CNTN1: variants seen among roughly 807,000 people sequenced by gnomAD.
The protein encoded by CNTN1 is contactin-1.
In CNTN1, 38 loss-of-function variants were observed where a neutral mutation model predicts 126.4. The ratio of observed to expected loss-of-function variants is 0.30; its 90% CI spans 0.23 to 0.39. The LOEUF is 0.39. CNTN1 is among the 10% of genes least tolerant of loss of function. The pLI, the probability that CNTN1 is intolerant of heterozygous loss-of-function variation, is 1.00. For synonymous variants in CNTN1, 413 were observed against 422.6 expected (o/e 0.98, Z 0.28); for missense variants, 1,009 against 1,248.4 (o/e 0.81, Z 2.89).
chr12:40,701,964 C>T (rs187767284), intron 1 of CNTN1, among the ~76,000 whole-genome samples: 61 of 152,290 alleles, frequency 4.0e-4, no homozygotes, highest in Admixed American at 3.6e-3. Flanking sequence ...CCAGGTACCC[C>T]GCTTCCAGCC....
At chr12:40,799,668 C>G (rs1177646168) in intron 1 of CNTN1, among the ~76,000 whole-genome samples, 1 of 152,092 alleles carries the variant, frequency 6.6e-6, no homozygotes, top group East Asian at 1.9e-4. Flanking sequence ...TATGCAAGCT[C>G]TGTACTAGAT....
chr12:40,692,790 G>A (rs1474862941), intron 1 of CNTN1, among the ~76,000 whole-genome samples, 198 bp downstream of exon 1: 1 of 152,186 alleles, frequency 6.6e-6, no homozygotes, highest in Non-Finnish European at 1.5e-5. Context: ...GCGGGATGCC[G>A]GAGCCCTGGG....
At chr12:40,697,450 T>C (rs570865048) in intron 1 of CNTN1, among the ~76,000 whole-genome samples, 1 of 152,332 alleles carries the variant, frequency 6.6e-6, no homozygotes, top group East Asian at 1.9e-4. Context: ...ATTTTCTTCA[T>C]GTAATAGGAA....
chr12:41,045,496 T>C (rs1028352438), intron 23 of CNTN1, among the ~76,000 whole-genome samples: 15 of 152,138 alleles, frequency 9.9e-5, no homozygotes, highest in African/African-American at 3.6e-4. Flanking sequence ...AATAAAACCC[T>C]TGAAATTTCT....
chr12:40,789,200 C>T (rs1940139578), intron 1 of CNTN1, among the ~76,000 whole-genome samples: 1 of 152,084 alleles, frequency 6.6e-6, no homozygotes, highest in African/African-American at 2.4e-5. Flanking sequence ...AGTTATTACT[C>T]TGAGAAGAAG....
chr12:40,706,618 T>A (rs1435663651), intron 1 of CNTN1, among the ~76,000 whole-genome samples: 1 of 148,366 alleles, frequency 6.7e-6, no homozygotes, highest in African/African-American at 2.4e-5. Context: ...ATGTTTTGGA[T>A]GTTTTTAAGT....
chr12:40,896,441 A>C (rs1944417565), intron 1 of CNTN1, among the ~76,000 whole-genome samples: 2 of 152,178 alleles, frequency 1.3e-5, no homozygotes, highest in South Asian at 4.1e-4. Flanking sequence ...TGACTTGCCT[A>C]AATCCACTGA....
intron 1 of CNTN1, among the ~76,000 whole-genome samples, chr12:40,754,554 G>A (rs1338638337): frequency 6.6e-6 from 1 of 151,674 alleles, no homozygotes; most frequent in Non-Finnish European, 1.5e-5. Flanking sequence ...ATCTGTGGAT[G>A]TGGAAAGCGC....
At chr12:40,947,764 C>CATATATAT (rs34815270) in intron 14 of CNTN1, among the ~76,000 whole-genome samples, 417 of 68,182 alleles carry the variant, frequency 6.1e-3, no homozygotes, top group African/African-American at 0.022. Context: ...GTCACTATTT[C>CATATATAT]ATATATATAT....
intron 1 of CNTN1, among the ~76,000 whole-genome samples, chr12:40,786,150 G>A (rs1940009923): frequency 4.6e-5 from 7 of 152,142 alleles, no homozygotes; most frequent in Admixed American, 4.6e-4. Flanking sequence ...GACTCTATGG[G>A]AAAATCATTC....
chr12:40,807,760 T>C (rs1214352206), intron 1 of CNTN1, among the ~76,000 whole-genome samples: 1 of 152,168 alleles, frequency 6.6e-6, no homozygotes, highest in Admixed American at 6.5e-5. Context: ...CTGTTGTGTA[T>C]TTTTAGGTAA....
At chr12:40,909,158 G>A (rs1944939368) in intron 2 of CNTN1, among the ~76,000 whole-genome samples, 2 of 152,040 alleles carry the variant, frequency 1.3e-5, no homozygotes, top group African/African-American at 2.4e-5. Context: ...GTAATCTACA[G>A]TGTGTGTAGG....
At position 41,020,397 on chromosome 12, in the gene CNTN1, T is replaced by C. The variant is rs1407410657; in HGVS notation, c.2480T>C (p.Val827Ala). Residue 827 changes from valine (V) to alanine (A), a missense_variant, in exon 20 of 24, where the codon GTT becomes GCT. Coordinates refer to ENST00000551295, the MANE Select transcript of CNTN1 (RefSeq NM_001843.4). ...VKVLSSSEIS[V>A]HWEHVLEKIV... is the part of the protein sequence containing the mutation. ...GTCTTATCATCTTCTGAGATATCTG[T>C]TCATTGGGAACATGTTTTAGAAAAA... is the stretch of plus-strand genomic sequence containing the variant. 1 of 1,612,698 alleles carries C rather than the reference T, an allele frequency of 6.2e-7. No individual in the cohort carries two copies. The highest frequency in any genetic ancestry group is 8.5e-7 in the Non-Finnish European group (1 of 1,179,204).
chr12:40,976,417 G>A (rs949769473), intron 15 of CNTN1, among the ~76,000 whole-genome samples: 1 of 151,976 alleles, frequency 6.6e-6, no homozygotes, highest in East Asian at 1.9e-4. Flanking sequence ...AACAGCCTAA[G>A]AAACTGGAAG....
chr12:41,009,720 C>A (rs1948598510), intron 17 of CNTN1, among the ~76,000 whole-genome samples: 2 of 152,146 alleles, frequency 1.3e-5, no homozygotes, highest in Admixed American at 1.3e-4. Flanking sequence ...TGGCTTCTAG[C>A]CCTTTCCTAG....
chr12:40,853,461 A>G (rs7312428), intron 1 of CNTN1, among the ~76,000 whole-genome samples: 14,995 of 152,162 alleles, frequency 0.099, 878 homozygotes, highest in Non-Finnish European at 0.13. Context: ...TGAACGCTCA[A>G]TCCAAGGCAT....
At chr12:40,885,889 T>G (rs902598866) in intron 1 of CNTN1, among the ~76,000 whole-genome samples, 3 of 152,084 alleles carry the variant, frequency 2.0e-5, no homozygotes, top group African/African-American at 7.2e-5. Context: ...TCAATAAATA[T>G]TTATAGCTTT....
chr12:40,905,325 C>A (rs1254671349), intron 1 of CNTN1, among the ~76,000 whole-genome samples: 3 of 152,040 alleles, frequency 2.0e-5, no homozygotes, highest in Non-Finnish European at 4.4e-5. Flanking sequence ...GTAAATAGAC[C>A]AAAATATCAC....
chr12:40,906,672 TTTTTTTGTTTTG>T (rs1944832403), intron 1 of CNTN1, among the ~76,000 whole-genome samples: 1 of 132,752 alleles, frequency 7.5e-6, no homozygotes. Flanking sequence ...TTTCATGCTT[TTTTTTTGTTTTG>T]TTTTTTTTGA....
Sources: allele counts gnomAD v4.1 joint callset (sites outside exome capture counted in the v4.1 genomes callset), GRCh38; gene constraint gnomAD v4.1.1; transcripts MANE v1.5; gene names NCBI Gene and HGNC (gene_info 2026-07-23, HGNC 2026-07-21).